Variants in LAMA4 observed in about 807,000 individuals in gnomAD.
LAMA4 encodes the protein laminin subunit alpha-4.
In LAMA4, 127 loss-of-function variants were observed where a neutral mutation model predicts 207.1. That is an observed-to-expected ratio of 0.61 (90% CI 0.53 to 0.71). The LOEUF (loss-of-function observed/expected upper bound fraction) is 0.71. Ranked by LOEUF, LAMA4 falls within the 30% of genes least tolerant of loss-of-function variation. LAMA4 has a pLI of 0.00. For missense variants in LAMA4, 2,093 were observed against 2,246.5 expected, an observed-to-expected ratio of 0.93 and a Z score of 1.38; for synonymous variants, 761 against 816.0, an observed-to-expected ratio of 0.93 and a Z score of 1.15.
chr6:112,204,886 T>A (rs1304579220), intron 4 of LAMA4, among the ~76,000 whole-genome samples: 1 of 152,196 alleles, frequency 6.6e-6, no homozygotes, highest in African/African-American at 2.4e-5. Flanking sequence ...TGAAGAAGGA[T>A]GGGACTGAAA....
intron 29 of LAMA4, among the ~76,000 whole-genome samples, chr6:112,130,669 AAT>A (rs1778984247): frequency 1.3e-5 from 2 of 152,194 alleles, no homozygotes; most frequent in Admixed American, 1.3e-4. Flanking sequence ...CTATGTGCAA[AAT>A]ACTGCACTCT....
intron 3 of LAMA4, chr6:112,213,850 G>A: frequency 2.3e-6 from 1 of 437,978 alleles, no homozygotes; most frequent in Non-Finnish European, 4.1e-6. Context: ...AGCAAAATAA[G>A]ACAAAATGAA....
At chr6:112,216,635 C>T (rs1297475726) in intron 2 of LAMA4, 166 bp from the exon 3 acceptor site, 1 of 650,332 alleles carries the variant, frequency 1.5e-6, no homozygotes, top group Non-Finnish European at 2.8e-6. Flanking sequence ...ATTTATACTA[C>T]CATTCAGTGA....
intron 9 of LAMA4, among the ~76,000 whole-genome samples, chr6:112,181,861 G>A (rs1438205490): frequency 1.3e-5 from 2 of 152,128 alleles, no homozygotes; most frequent in African/African-American, 4.8e-5. Flanking sequence ...CACTTTGGGA[G>A]GCCGAGGCGG....
Position 112,191,957 on chromosome 6 carries a change from C to T in LAMA4, c.504-107G>A, listed in dbSNP as rs2072022. On this transcript the variant is annotated intron_variant, in intron 5 of 38. Coordinates refer to ENST00000230538, the MANE Select transcript of LAMA4 (RefSeq NM_001105206.3). The stretch of plus-strand genomic sequence containing the variant: ...ATGTAGTGGATATTTATTGATTTCC[C>T]TCCCAGAATTCATTTGCACTCTCTC... 38,745 of 958,550 alleles carry T rather than the reference C, an allele frequency of 0.04. 2,292 individuals carry two copies. The highest frequency in any genetic ancestry group is 0.25 in the East Asian group (9,431 of 38,238). 59.4% of individuals were successfully genotyped at this position (958,550 alleles called of 1,614,324 possible). A position where few individuals can be genotyped will look rare whatever the true frequency, so the allele number is the denominator to read the frequency against.
chr6:112,114,244 T>G (rs782349629), intron 37 of LAMA4, 49 bp from the exon 38 acceptor site: 1 of 1,597,204 alleles, frequency 6.3e-7, no homozygotes, highest in Non-Finnish European at 8.6e-7. Flanking sequence ...GAGTGATGAA[T>G]TTTTAACCTG....
intron 2 of LAMA4, chr6:112,234,832 T>C (rs1785791841): frequency 2.0e-5 from 3 of 152,152 alleles, no homozygotes; most frequent in Admixed American, 6.5e-5. Context: ...TAACCACAAA[T>C]ACTGTTTGAG....
chr6:112,240,089 C>T (rs1383587945), intron 2 of LAMA4, among the ~76,000 whole-genome samples: 1 of 152,064 alleles, frequency 6.6e-6, no homozygotes, highest in Non-Finnish European at 1.5e-5. Context: ...CTTTTGAATC[C>T]TTTTCATTGT....
chr6:112,133,594 T>G (rs1389233116), intron 26 of LAMA4, 107 bp from the exon 27 acceptor site: 10 of 1,262,304 alleles, frequency 7.9e-6, no homozygotes, highest in Non-Finnish European at 1.2e-5. Flanking sequence ...AATGGCTTTA[T>G]AATCATTCAT....
chr6:112,223,673 T>C (rs1785045040), intron 2 of LAMA4, among the ~76,000 whole-genome samples: 1 of 152,210 alleles, frequency 6.6e-6, no homozygotes, highest in Admixed American at 6.5e-5. Context: ...CCTGCTTCTG[T>C]CTTGAGGTCC....
Position 112,172,257 on chromosome 6 carries a change from A to G in LAMA4, c.1551+354T>C, listed in dbSNP as rs115609828. On this transcript the variant is annotated intron_variant, in intron 12 of 38. Transcript: ENST00000230538. Reference sequence around the variant, plus strand: ...TGCTTATCGTGCCTTTCCAAAAATTATGCATACCCAGAACCCATGGTTTTG... The same window carrying G: ...TGCTTATCGTGCCTTTCCAAAAATTGTGCATACCCAGAACCCATGGTTTTG... 736 of 248,936 alleles carry G rather than the reference A, an allele frequency of 3.0e-3. 7 individuals carry two copies. Among genetic ancestry groups the G allele is most frequent in the African/African-American group, 0.016 (695 of 43,662 alleles). 15.4% of individuals were successfully genotyped at this position (248,936 alleles called of 1,614,324 possible).
At chr6:112,162,073 G>A (rs1395040237) in intron 13 of LAMA4, 1 of 152,282 alleles carries the variant, frequency 6.6e-6, no homozygotes, top group Non-Finnish European at 1.5e-5. Flanking sequence ...AAGGACAAGA[G>A]TGGAGACAGT....
At chr6:112,181,454 C>T (rs1248783260) in intron 9 of LAMA4, among the ~76,000 whole-genome samples, 2 of 152,170 alleles carry the variant, frequency 1.3e-5, no homozygotes, top group African/African-American at 4.8e-5. Flanking sequence ...CCTCTCTCTG[C>T]CTTACAATGA....
chr6:112,204,698 T>C (rs1004513271), intron 4 of LAMA4, among the ~76,000 whole-genome samples: 4 of 152,170 alleles, frequency 2.6e-5, no homozygotes, highest in Non-Finnish European at 5.9e-5. Flanking sequence ...AATGAAAAAG[T>C]ATACCAAGAC....
At chr6:112,159,816 G>C (rs1186451444) in intron 13 of LAMA4, among the ~76,000 whole-genome samples, 1 of 152,154 alleles carries the variant, frequency 6.6e-6, no homozygotes, top group Non-Finnish European at 1.5e-5. Context: ...AGAGGGGAGT[G>C]GTTGATTTTG....
At chr6:112,169,132 T>C (rs782106122) in intron 12 of LAMA4, among the ~76,000 whole-genome samples, 1 of 152,142 alleles carries the variant, frequency 6.6e-6, no homozygotes, top group African/African-American at 2.4e-5. Flanking sequence ...ATAGTTTCTA[T>C]ACATTTAGAG....
At chr6:112,223,030 T>G (rs965725957) in intron 2 of LAMA4, among the ~76,000 whole-genome samples, 2 of 152,202 alleles carry the variant, frequency 1.3e-5, no homozygotes, top group Non-Finnish European at 2.9e-5. Flanking sequence ...GTGCTGCCTT[T>G]TTTCCTTTGG....
At chr6:112,132,657 G>T in intron 28 of LAMA4, 96 bp downstream of exon 28, 1 of 1,188,980 alleles carries the variant, frequency 8.4e-7, no homozygotes, top group Non-Finnish European at 1.2e-6. Flanking sequence ...AAATTAATCT[G>T]AATAGAAAAT....
At chr6:112,248,327 G>A (rs892748470) in intron 2 of LAMA4, among the ~76,000 whole-genome samples, 3 of 151,750 alleles carry the variant, frequency 2.0e-5, no homozygotes, top group Non-Finnish European at 2.9e-5. Flanking sequence ...GGTGAAACCC[G>A]TCTCTACTAA....
Sources: allele counts gnomAD v4.1 joint callset (sites outside exome capture counted in the v4.1 genomes callset), GRCh38; gene constraint gnomAD v4.1.1; transcripts MANE v1.5; gene names NCBI Gene and HGNC (gene_info 2026-07-23, HGNC 2026-07-21).